Variants in ENGASE observed in about 807,000 individuals in gnomAD.
The protein encoded by ENGASE is endo-beta-N-acetylglucosaminidase, also known as cytosolic endo-beta-N-acetylglucosaminidase.
A neutral mutation model predicts 78.5 loss-of-function variants in ENGASE; 69 were observed. The ratio of observed to expected loss-of-function variants is 0.88; its 90% CI spans 0.72 to 1.07. ENGASE has a LOEUF of 1.07. ENGASE is among the 50% of genes least tolerant of loss of function. The pLI, the probability that ENGASE is intolerant of heterozygous loss-of-function variation, is 0.00. For missense variants in ENGASE, 943 were observed against 988.4 expected (o/e 0.95, Z 0.62); for synonymous variants, 408 against 408.9 (o/e 1.00, Z 0.03).
Position 79,084,806 on chromosome 17 carries a change from G to A in ENGASE, c.1591+120G>A, listed in dbSNP as rs572883231. 1,217 of 1,135,060 alleles carry A rather than the reference G, an allele frequency of 1.1e-3. 3 individuals are homozygous for A. The highest frequency in any genetic ancestry group is 3.6e-3 in the Middle Eastern group (13 of 3,582). The allele number at this position is 1,135,060 out of a possible 1,614,324, so 70.3% of individuals were successfully genotyped here. ...TGTGGACAGTGGGGGGGTACATCCT[G>A]CCTTTGCCGGAGTCAGGGCAGCTTG... On this transcript the variant is annotated intron_variant, in intron 11 of 13. Coordinates refer to ENST00000579016, the MANE Select transcript of ENGASE (RefSeq NM_001042573.3).
chr17:79,083,397 CGAGTTTCCACCA>C lies in ENGASE; in HGVS notation c.1143-83_1143-72del. ...TGTCTTGGAGGGTGCAGGAGAGCCTCGAGTTTCCACCAGCAAGTTTGAGGGACACTGAGAGGC... is the reference window on the plus strand; with the variant it reads ...TGTCTTGGAGGGTGCAGGAGAGCCTCGCAAGTTTGAGGGACACTGAGAGGC... On this transcript the variant is annotated intron_variant, in intron 8 of 13. Transcript: ENST00000579016. The surrounding 1 kb of genome is among the most constrained non-coding windows in gnomAD (Gnocchi z 4.9). The C allele has an allele frequency of 9.5e-7, 1 of 1,057,710 alleles. No homozygotes were observed. The highest frequency in any genetic ancestry group is 1.4e-6 in the Non-Finnish European group (1 of 706,284). The allele number at this position is 1,057,710 out of a possible 1,614,324, so 65.5% of individuals were successfully genotyped here.
intron 13 of ENGASE, 64 bp downstream of exon 13, chr17:79,085,798 G>T: frequency 6.3e-7 from 1 of 1,597,640 alleles, no homozygotes. Context: ...GGGGGTGGAG[G>T]CCGCCCCAGG....
rs903521429 is a variant in ENGASE at position 79,080,286 on chromosome 17, A to G, written c.645A>G (p.Ala215=). The change falls in exon 5 of 14, where the codon GCA becomes GCG. Residue 215 remains alanine, a synonymous_variant. Coordinates refer to ENST00000579016, the MANE Select transcript of ENGASE (RefSeq NM_001042573.3). ...CCGGGGATGAGCGCTCGTACCAGGC[A>G]GTGGCTGACCGGCTGGTCCAGATCA... ...FLAGDERSYQ[A]VADRLVQITQ... The G allele has an allele frequency of 3.1e-6, 5 of 1,614,068 alleles. No individual in the cohort carries two copies. The highest frequency in any genetic ancestry group is 4.2e-6 in the Non-Finnish European group (5 of 1,179,994).
chr17:79,085,999 C>T lies in ENGASE; in HGVS notation c.1882C>T (p.Arg628Cys), dbSNP rs200087247. Reference sequence around the variant, plus strand: ...GCAGGCCGTCACCATCTCTCACATCCGCTGGCAGCCATCCGCCTCTGAGCG... The same window carrying T: ...GCAGGCCGTCACCATCTCTCACATCTGCTGGCAGCCATCCGCCTCTGAGCG... ...QVQAVTISHI[R>C]WQPSASEREG... Residue 628 changes from arginine to cysteine, a missense_variant, in exon 14 of 14, where the codon CGC becomes TGC. By Grantham distance (180) the Arg-to-Cys change is radical. Coordinates refer to ENST00000579016, the MANE Select transcript of ENGASE (RefSeq NM_001042573.3). 368 of 1,610,972 alleles carry T rather than the reference C, an allele frequency of 2.3e-4. 1 individual carries two copies. The highest frequency in any genetic ancestry group is 5.5e-4 in the South Asian group (50 of 91,074).
Position 79,082,343 on chromosome 17 carries a change from C to T in ENGASE, c.1038+280C>T, listed in dbSNP as rs923405685. 84 of 1,307,308 alleles carry T rather than the reference C, an allele frequency of 6.4e-5. No homozygotes were observed. In the African/African-American group the frequency reaches 9.8e-4, roughly 15 times the overall value. 81.0% of individuals were successfully genotyped at this position (1,307,308 alleles called of 1,614,324 possible). A position where few individuals can be genotyped will look rare whatever the true frequency, so the allele number is the denominator to read the frequency against. ...CGTTCCCCCGCTGTCCGGTCCTCGG[C>T]GGGCCTGGGCCTCCTGTCCCAGCTG... On this transcript the variant is annotated intron_variant, in intron 7 of 13. Transcript: ENST00000579016.
rs201600533 is a variant in ENGASE at position 79,085,985 on chromosome 17, C to T, written c.1868C>T (p.Thr623Ile). ...CCTCTGCCCCAGGTGCAGGCCGTCACCATCTCTCACATCCGCTGGCAGCCA... is the reference window on the plus strand; with the variant it reads ...CCTCTGCCCCAGGTGCAGGCCGTCATCATCTCTCACATCCGCTGGCAGCCA... Reference protein sequence around the residue: ...LAPLPQVQAVTISHIRWQPSA... With the variant: ...LAPLPQVQAVIISHIRWQPSA... Residue 623 changes from threonine to isoleucine, a missense_variant, in exon 14 of 14, where the codon ACC (threonine) becomes ATC (isoleucine). Physicochemically the swap from Thr to Ile is moderately conservative, Grantham distance 89. Transcript: ENST00000579016. The T allele has an allele frequency of 4.8e-4, 766 of 1,609,356 alleles. 3 individuals carry two copies. The highest frequency in any genetic ancestry group is 3.6e-3 in the Middle Eastern group (22 of 6,060).
At chr17:79,081,752 G>A (rs1339010735) in intron 6 of ENGASE, 146 bp from the exon 7 acceptor site, 2 of 724,692 alleles carry the variant, frequency 2.8e-6, no homozygotes, top group African/African-American at 4.6e-5. Flanking sequence ...GAGGCTGTGT[G>A]GGGTGGGGTG....
chr17:79,081,171 A>G (rs1447055914), intron 6 of ENGASE, 98 bp downstream of exon 6: 2 of 1,340,598 alleles, frequency 1.5e-6, no homozygotes, highest in Non-Finnish European at 2.0e-6. Flanking sequence ...AGTCTCCCTC[A>G]TGGAGGTGAT....
rs568346088 is a variant in ENGASE at position 79,081,859 on chromosome 17, T to C, written c.873-39T>C. 3.8e-6 allele frequency: 6 copies of C among 1,579,924 alleles called. No homozygotes were observed. The East Asian group carries it at 1.3e-4, about 35-fold the overall frequency. On this transcript the variant is annotated intron_variant, in intron 6 of 13. Coordinates refer to ENST00000579016, the MANE Select transcript of ENGASE (RefSeq NM_001042573.3). ...GTTGGTGGGGGTGGCCCCATCCTTC[T>C]GGGCCTGGGCCTCACAGCAGGTCCT...
At chr17:79,081,531 G>C (rs2073137156) in intron 6 of ENGASE, among the ~76,000 whole-genome samples, 1 of 152,066 alleles carries the variant, frequency 6.6e-6, no homozygotes, top group African/African-American at 2.4e-5. Flanking sequence ...AACATCCTGA[G>C]CCTCAGCAGA....
intron 3 of ENGASE, among the ~76,000 whole-genome samples, chr17:79,079,145 C>T (rs2073048640): frequency 6.6e-6 from 1 of 152,148 alleles, no homozygotes; most frequent in Admixed American, 6.5e-5. Context: ...TATTCTGCTT[C>T]CTGGGACCTG....
rs2073317571 is a variant in ENGASE, at chr17:79,086,517, G to A, written c.*168G>A. ...TGAGTGCTGTGGCTTTCTGGTGGGG[G>A]GCGATGGAAACAGGAAACCAAGCAG... On this transcript the variant is annotated 3_prime_UTR_variant, in exon 14 of 14. Transcript: ENST00000579016. 1.3e-5 allele frequency: 10 copies of A among 789,092 alleles called. No homozygotes were observed. The highest frequency in any genetic ancestry group is 1.1e-4 in the South Asian group (6 of 52,422). The allele number at this position is 789,092 out of a possible 1,614,324, so 48.9% of individuals were successfully genotyped here.
At position 79,082,612 on chromosome 17, in the gene ENGASE, G is replaced by A. The variant is rs546381559; in HGVS notation, c.1039-408G>A. On this transcript the variant is annotated intron_variant, in intron 7 of 13. Coordinates refer to ENST00000579016, the MANE Select transcript of ENGASE (RefSeq NM_001042573.3). ...TGCCTGCCTCTGGTCTATCAGTCCT[G>A]CCCGTTCCCAGAGCCCCAGGGATGT... 3.9e-6 allele frequency: 5 copies of A among 1,279,932 alleles called. No homozygotes were observed. In the African/African-American group the frequency reaches 6.1e-5, roughly 16 times the overall value. The allele number at this position is 1,279,932 out of a possible 1,614,324, so 79.3% of individuals were successfully genotyped here. A position where few individuals can be genotyped will look rare whatever the true frequency, so the allele number is the denominator to read the frequency against.
At chr17:79,075,562 C>G in intron 1 of ENGASE, 1 of 367,050 alleles carries the variant, frequency 2.7e-6, no homozygotes, top group Non-Finnish European at 3.8e-6. Flanking sequence ...AGTAGGGTAT[C>G]CAACTGGCGG....
Position 79,086,510 on chromosome 17 carries a change from GGT to G in ENGASE, c.*163_*164del. The stretch of plus-strand genomic sequence containing the variant: ...CCCGGGCTGAGTGCTGTGGCTTTCT[GGT>G]GGGGGGCGATGGAAACAGGAAACCA... On this transcript the variant is annotated 3_prime_UTR_variant, in exon 14 of 14. Transcript: ENST00000579016. The G allele has an allele frequency of 1.2e-6, 1 of 824,016 alleles. No individual in the cohort carries two copies. The highest frequency in any genetic ancestry group is 1.8e-6 in the Non-Finnish European group (1 of 543,852). The allele number at this position is 824,016 out of a possible 1,614,324, so 51.0% of individuals were successfully genotyped here.
chr17:79,083,759 AG>A lies in ENGASE; in HGVS notation c.1252del. 1 of 1,605,104 alleles carries A rather than the reference AG, an allele frequency of 6.2e-7. No individual in the cohort carries two copies. Among genetic ancestry groups the A allele is most frequent in the Non-Finnish European group, 8.5e-7 (1 of 1,175,534 alleles). ...GTGCCCCTGTTCTGCCCTTTTCTTC[AG>A]GAAGAGGCGGTAGGGCCCTGGTACC... On this transcript the variant is annotated splice_acceptor_variant, in intron 9 of 13. Coordinates refer to ENST00000579016, the MANE Select transcript of ENGASE (RefSeq NM_001042573.3). LOFTEE classifies it high-confidence loss of function. This position sits in a 1 kb window ranked among gnomAD's most constrained non-coding sequence, Gnocchi z 4.9.
rs2073344689 is a variant in ENGASE, at chr17:79,087,286, C to T, written c.*937C>T. Reference sequence around the variant, plus strand: ...CGGGGGCTTTTCCAGCTACTCTGTTCCTTCACGTCCTCCCTTCTCAGCCTC... The same window carrying T: ...CGGGGGCTTTTCCAGCTACTCTGTTTCTTCACGTCCTCCCTTCTCAGCCTC... On this transcript the variant is annotated 3_prime_UTR_variant, in exon 14 of 14. Coordinates refer to ENST00000579016, the MANE Select transcript of ENGASE (RefSeq NM_001042573.3). 2 of 340,444 alleles carry T rather than the reference C, an allele frequency of 5.9e-6. No homozygotes were observed. Among genetic ancestry groups the T allele is most frequent in the Non-Finnish European group, 1.2e-5 (2 of 170,280 alleles). 21.1% of individuals were successfully genotyped at this position (340,444 alleles called of 1,614,324 possible).
chr17:79,083,853 G>GGTGAGGAC lies in ENGASE; in HGVS notation c.1346_1353dup (p.His452Ter). On this transcript the variant is annotated frameshift_variant, in exon 10 of 14. Coordinates refer to ENST00000579016, the MANE Select transcript of ENGASE (RefSeq NM_001042573.3). LOFTEE classifies it high-confidence loss of function. This position sits in a 1 kb window ranked among gnomAD's most constrained non-coding sequence, Gnocchi z 4.9. ...GGCTGGGAGGGGATGGCCGGGGCTG[G>GGTGAGGAC]GTGAGGACGCACTGCTGCCTGGAGG... 1 of 1,612,824 alleles carries GGTGAGGAC rather than the reference G, an allele frequency of 6.2e-7. No homozygotes were observed.
In ENGASE at chr17:79,077,856, G is replaced by C. The variant is rs750589016; in HGVS notation, c.408G>C (p.Leu136=). Residue 136 remains leucine (L), a synonymous_variant, in exon 3 of 14, where the codon CTG becomes CTC. Transcript: ENST00000579016. Reference sequence around the variant, plus strand: ...GTCATGACATGATGGGCGGGTACCTGGATGACAGGTGAGGACCTGGCCTTA... The same window carrying C: ...GTCATGACATGATGGGCGGGTACCTCGATGACAGGTGAGGACCTGGCCTTA... The part of the protein sequence containing the change: ...LLCHDMMGGY[L]DDRFIQGSVV... 6.2e-7 allele frequency: 1 copy of C among 1,612,932 alleles called. No individual in the cohort carries two copies. The highest frequency in any genetic ancestry group is 1.3e-5 in the African/African-American group (1 of 74,910).
Sources: allele counts gnomAD v4.1 joint callset (sites outside exome capture counted in the v4.1 genomes callset), GRCh38; gene constraint gnomAD v4.1.1; non-coding constraint Gnocchi (gnomAD v3.1); transcripts MANE v1.5; gene names NCBI Gene and HGNC (gene_info 2026-07-23, HGNC 2026-07-21).